Variants in RBFOX1 observed in about 807,000 individuals in gnomAD.
RBFOX1 encodes RNA binding protein fox-1 homolog 1.
RBFOX1 carries 8 observed loss-of-function variants against 57.7 expected under a neutral mutation model. The ratio of observed to expected loss-of-function variants is 0.14; its 90% CI spans 0.08 to 0.25. The LOEUF (loss-of-function observed/expected upper bound fraction) is 0.25. RBFOX1 is among the 10% of genes least tolerant of loss of function. The pLI is 1.00. For synonymous variants in RBFOX1, 326 were observed against 222.4 expected (o/e 1.47, Z -4.15); for missense variants, 611 against 548.5 (o/e 1.11, Z -1.14).
chr16:5,622,927 C>T (rs1245682544), intron 3 of RBFOX1, among the ~76,000 whole-genome samples: 1 of 152,204 alleles, frequency 6.6e-6, no homozygotes, highest in Non-Finnish European at 1.5e-5. Context: ...CTTTACATGG[C>T]ACTTACGTTG....
chr16:6,146,170 G>C (rs1005516011), intron 1 of RBFOX1, among the ~76,000 whole-genome samples: 1 of 152,150 alleles, frequency 6.6e-6, no homozygotes, highest in Admixed American at 6.5e-5. Context: ...ATTCCCATGG[G>C]TCTGGTGCTG....
chr16:6,859,532 G>C (rs2058640031), intron 3 of RBFOX1, among the ~76,000 whole-genome samples: 1 of 151,884 alleles, frequency 6.6e-6, no homozygotes, highest in Admixed American at 6.6e-5. Context: ...TCCCAAATGT[G>C]AGTGGTTTTT....
chr16:7,567,008 A>G (rs866703832), intron 5 of RBFOX1, among the ~76,000 whole-genome samples: 4 of 151,834 alleles, frequency 2.6e-5, no homozygotes, highest in Non-Finnish European at 4.4e-5. Context: ...AATGGTATCA[A>G]CAAAAGTCAC....
intron 4 of RBFOX1, among the ~76,000 whole-genome samples, chr16:7,501,068 C>T (rs1332018928): frequency 1.3e-5 from 2 of 152,220 alleles, no homozygotes; most frequent in African/African-American, 4.8e-5. Context: ...CCAGGCTGAA[C>T]TGTGAGTCAA....
In RBFOX1 at chr16:6,988,184, C is replaced by G. The variant is rs901072445; in HGVS notation, c.-15-63873C>G. Among the ~76,000 whole-genome samples the G allele has an allele frequency of 2.6e-5, 4 of 152,284 alleles. 1 individual carries two copies. The South Asian group carries it at 8.3e-4, about 32-fold the overall frequency. ...AAACACAGCAGAGTTTTAGAAGTGT[C>G]CTAATGGTAAATCTCCCCCTAAATT... On this transcript the variant is annotated intron_variant, in intron 3 of 15. Transcript: ENST00000550418.
intron 1 of RBFOX1, among the ~76,000 whole-genome samples, chr16:5,407,912 A>G (rs2066909223): frequency 6.6e-6 from 1 of 152,178 alleles, no homozygotes; most frequent in African/African-American, 2.4e-5. Flanking sequence ...ATGGGATTAG[A>G]TTTACATTTT....
At chr16:7,188,930 A>G (rs1301454328) in intron 4 of RBFOX1, among the ~76,000 whole-genome samples, 4 of 152,204 alleles carry the variant, frequency 2.6e-5, no homozygotes, top group African/African-American at 9.7e-5. Flanking sequence ...CTTTGACACC[A>G]TGAAGACTAT....
intron 4 of RBFOX1, among the ~76,000 whole-genome samples, chr16:5,869,966 A>G (rs1045121458): frequency 6.6e-6 from 1 of 152,156 alleles, no homozygotes; most frequent in African/African-American, 2.4e-5. Flanking sequence ...TGGTGTATTC[A>G]TGCAATGAAA....
chr16:5,581,084 T>C (rs1248951588), intron 2 of RBFOX1, among the ~76,000 whole-genome samples: 1 of 152,154 alleles, frequency 6.6e-6, no homozygotes, highest in Non-Finnish European at 1.5e-5. Flanking sequence ...TAAATGCAAA[T>C]ATCCACGTAG....
chr16:5,651,733 T>C (rs1254254639), intron 3 of RBFOX1, among the ~76,000 whole-genome samples: 1 of 152,156 alleles, frequency 6.6e-6, no homozygotes, highest in East Asian at 1.9e-4. Context: ...TATACTTCCC[T>C]GTTAGATTTG....
At chr16:7,455,736 G>A (rs188800922) in intron 4 of RBFOX1, among the ~76,000 whole-genome samples, 139 of 138,546 alleles carry the variant, frequency 1.0e-3, no homozygotes, top group South Asian at 4.5e-4. Context: ...GCAATGAGCC[G>A]AGATTGTGCC....
chr16:5,339,073 A>G (rs2064969993), intron 1 of RBFOX1, among the ~76,000 whole-genome samples: 2 of 152,144 alleles, frequency 1.3e-5, no homozygotes, highest in South Asian at 4.2e-4. Context: ...CTTATTAACT[A>G]CAGTTACCAC....
intron 3 of RBFOX1, among the ~76,000 whole-genome samples, chr16:5,657,468 A>G (rs1389799522): frequency 2.0e-5 from 3 of 152,164 alleles, no homozygotes; most frequent in Non-Finnish European, 4.4e-5. Flanking sequence ...TGGAATAAGA[A>G]TGCAAGGCCT....
intron 3 of RBFOX1, among the ~76,000 whole-genome samples, chr16:6,909,259 A>G (rs1015088689): frequency 6.6e-6 from 1 of 152,012 alleles, no homozygotes; most frequent in African/African-American, 2.4e-5. Context: ...TTTCATCTTC[A>G]AAGCCAGCAT....
intron 5 of RBFOX1, among the ~76,000 whole-genome samples, chr16:7,560,554 T>C (rs899185680): frequency 1.3e-5 from 2 of 148,426 alleles, no homozygotes; most frequent in African/African-American, 4.9e-5. Flanking sequence ...AAAGCAAAAA[T>C]TGTTTTTTGG....
intron 4 of RBFOX1, among the ~76,000 whole-genome samples, chr16:6,005,024 G>A (rs1226218778): frequency 1.3e-5 from 2 of 152,070 alleles, no homozygotes; most frequent in African/African-American, 4.8e-5. Context: ...CAAAACTTGG[G>A]GGAACTTTAA....
At chr16:6,702,373 G>A (rs1165628501) in intron 3 of RBFOX1, among the ~76,000 whole-genome samples, 1 of 152,146 alleles carries the variant, frequency 6.6e-6, no homozygotes, top group Non-Finnish European at 1.5e-5. Context: ...GGCCAACATG[G>A]TGAAACTCCA....
At chr16:6,837,958 A>C (rs986807936) in intron 3 of RBFOX1, among the ~76,000 whole-genome samples, 1 of 150,998 alleles carries the variant, frequency 6.6e-6, no homozygotes, top group African/African-American at 2.4e-5. Context: ...CCATGGCAAC[A>C]CCTGGAAGTT....
intron 4 of RBFOX1, among the ~76,000 whole-genome samples, chr16:7,295,623 T>A (rs2141791033): frequency 6.6e-6 from 1 of 152,176 alleles, no homozygotes; most frequent in East Asian, 1.9e-4. Flanking sequence ...AGATAGATCT[T>A]CAGACCAAGC....
Sources: allele counts gnomAD v4.1 joint callset (sites outside exome capture counted in the v4.1 genomes callset), GRCh38; gene constraint gnomAD v4.1.1; transcripts MANE v1.5; gene names NCBI Gene and HGNC (gene_info 2026-07-23, HGNC 2026-07-21).